MLXIP: variants seen among roughly 807,000 people sequenced by gnomAD.
MLXIP encodes MLX interacting protein, also known as MLX-interacting protein.
In MLXIP, 30 loss-of-function variants were observed where a neutral mutation model predicts 87.2. The observed-to-expected ratio is 0.34, with a 90% CI of 0.26 to 0.47. MLXIP has a LOEUF of 0.47. MLXIP is among the 20% of genes least tolerant of loss of function. The pLI, the probability that MLXIP is intolerant of heterozygous loss-of-function variation, is 1.00. For synonymous variants in MLXIP, 530 were observed against 514.0 expected, an observed-to-expected ratio of 1.03 and a Z score of -0.42; for missense variants, 1,002 against 1,240.1, an observed-to-expected ratio of 0.81 and a Z score of 2.88.
chr12:122,106,021 C>T (rs1952514632), intron 1 of MLXIP, among the ~76,000 whole-genome samples: 1 of 152,186 alleles, frequency 6.6e-6, no homozygotes, highest in Non-Finnish European at 1.5e-5. Context: ...AAGGATTTGC[C>T]TGTTGCCCAG....
intron 1 of MLXIP, among the ~76,000 whole-genome samples, chr12:122,105,984 C>T (rs1952513547): frequency 6.6e-6 from 1 of 152,208 alleles, no homozygotes; most frequent in African/African-American, 2.4e-5. Flanking sequence ...ACTGGCATTT[C>T]CATCGCTTCA....
At chr12:122,110,949 C>T (rs1213702425) in intron 1 of MLXIP, among the ~76,000 whole-genome samples, 4 of 150,794 alleles carry the variant, frequency 2.7e-5, no homozygotes, top group South Asian at 2.1e-4. Flanking sequence ...TGGTGGCGGG[C>T]GCCTGTAGTC....
At chr12:122,129,914 TCCTCC>T in intron 5 of MLXIP, 22 bp from the exon 6 acceptor site, 1 of 1,591,206 alleles carries the variant, frequency 6.3e-7, no homozygotes, top group Non-Finnish European at 8.6e-7. Context: ...CTTTGATGCT[TCCTCC>T]CCTGTGTTGG....
intron 1 of MLXIP, among the ~76,000 whole-genome samples, chr12:122,095,989 C>T (rs1479295464): frequency 1.3e-5 from 2 of 152,224 alleles, no homozygotes; most frequent in East Asian, 1.9e-4. Flanking sequence ...CTCAGCCTCC[C>T]GAGTAGCTGG....
In MLXIP at chr12:122,108,018, C is replaced by T. The variant is rs1290049102; in HGVS notation, c.414-19238C>T. On this transcript the variant is annotated intron_variant, in intron 1 of 16. Transcript: ENST00000319080. ...TGGAAGGTGCGCCATGTGTCCCCTG[C>T]GAAGGGCAGCCTGGCCTGTGATGCT... 3.3e-5 allele frequency among the ~76,000 whole-genome samples: 5 copies of T among 152,142 alleles called. No homozygotes were observed. In the South Asian group the frequency reaches 8.3e-4, roughly 25 times the overall value.
chr12:122,117,288 G>A (rs1952706888), intron 1 of MLXIP, among the ~76,000 whole-genome samples: 1 of 152,212 alleles, frequency 6.6e-6, no homozygotes, highest in South Asian at 2.1e-4. Context: ...TTCCTCCATA[G>A]GAGACTCTCT....
rs145443933 is a variant in MLXIP at position 122,086,363 on chromosome 12, G to A, written c.413+7097G>A. On this transcript the variant is annotated intron_variant, in intron 1 of 16. Transcript: ENST00000319080. ...CCCGGGCTTAAGATTGAGCTATGCC[G>A]TGGGTCCTCGGCACCAGCGAGGGGA... 9.0e-3 allele frequency among the ~76,000 whole-genome samples: 1,370 copies of A among 152,298 alleles called. 19 individuals are homozygous for A. The highest frequency in any genetic ancestry group is 0.019 in the African/African-American group (809 of 41,548).
chr12:122,119,458 C>T (rs1346979580), intron 1 of MLXIP, among the ~76,000 whole-genome samples: 5 of 152,026 alleles, frequency 3.3e-5, no homozygotes, highest in African/African-American at 1.2e-4. Context: ...ATGGCGCAAT[C>T]TCAGCTCACT....
intron 1 of MLXIP, among the ~76,000 whole-genome samples, chr12:122,096,288 G>A (rs896637723): frequency 6.6e-6 from 1 of 152,070 alleles, no homozygotes; most frequent in African/African-American, 2.4e-5. Flanking sequence ...TTGTATGGAT[G>A]TACTACTATT....
chr12:122,138,179 C>T lies in MLXIP; in HGVS notation c.2155-15C>T, dbSNP rs369168025. The T allele has an allele frequency of 4.0e-5, 63 of 1,585,172 alleles. 1 individual carries two copies. The South Asian group carries it at 4.5e-4, about 11-fold the overall frequency. On this transcript the variant is annotated splice_polypyrimidine_tract_variant and intron_variant, in intron 12 of 16. Coordinates refer to ENST00000319080, the MANE Select transcript of MLXIP (RefSeq NM_014938.6). ...GCAATGTGCCTGTCTTAGTGACCAG[C>T]GGGTTCTCCAGCAGAACCGGCAGAT... is the stretch of plus-strand genomic sequence containing the variant.
intron 1 of MLXIP, among the ~76,000 whole-genome samples, chr12:122,118,489 T>A (rs149233118): frequency 4.2e-4 from 64 of 152,324 alleles, no homozygotes; most frequent in African/African-American, 1.5e-3. Flanking sequence ...TATGTATCCA[T>A]CTTGGCTGTC....
intron 1 of MLXIP, among the ~76,000 whole-genome samples, chr12:122,098,242 A>G (rs185495751): frequency 2.0e-5 from 3 of 152,250 alleles, no homozygotes; most frequent in East Asian, 1.9e-4. Context: ...AATGTCATCT[A>G]TTCTTCCGGT....
chr12:122,116,246 T>G (rs1952689529), intron 1 of MLXIP, among the ~76,000 whole-genome samples: 2 of 151,982 alleles, frequency 1.3e-5, no homozygotes, highest in South Asian at 4.2e-4. Context: ...TCCATTTGTG[T>G]GACTTCCTGA....
rs552946788 is a variant in MLXIP, at chr12:122,084,295, C to A, written c.413+5029C>A. Among the ~76,000 whole-genome samples, 60 of 152,242 alleles carry A rather than the reference C, an allele frequency of 3.9e-4. No individual in the cohort carries two copies. The South Asian group carries it at 6.0e-3, about 15-fold the overall frequency. On this transcript the variant is annotated intron_variant, in intron 1 of 16. Transcript: ENST00000319080. Reference sequence around the variant, plus strand: ...CTCAAAGATTACCAATTACATTACCCAACAGGAAGCCCCAGTGCTCCCCGC... The same window carrying A: ...CTCAAAGATTACCAATTACATTACCAAACAGGAAGCCCCAGTGCTCCCCGC...
intron 1 of MLXIP, among the ~76,000 whole-genome samples, chr12:122,082,608 C>T (rs1256404228): frequency 6.6e-6 from 1 of 152,224 alleles, no homozygotes; most frequent in East Asian, 1.9e-4. Context: ...ATGAGGAGCC[C>T]GTGTCTTATC....
chr12:122,141,169 T>G, intron 16 of MLXIP, 86 bp downstream of exon 16: 1 of 1,479,176 alleles, frequency 6.8e-7, no homozygotes, highest in Non-Finnish European at 9.0e-7. Context: ...TTAGCCAGAC[T>G]CCACTGCAGG....
chr12:122,147,130 T>G lies in MLXIP; in HGVS notation c.*5318T>G, dbSNP rs1244213436. 1 of 152,140 alleles carries G rather than the reference T, an allele frequency of 6.6e-6. No homozygotes were observed. The highest frequency in any genetic ancestry group is 1.5e-5 in the Non-Finnish European group (1 of 68,024). 9.4% of individuals were successfully genotyped at this position (152,140 alleles called of 1,614,324 possible). On this transcript the variant is annotated 3_prime_UTR_variant, in exon 17 of 17. Coordinates refer to ENST00000319080, the MANE Select transcript of MLXIP (RefSeq NM_014938.6). ...TTTGGTGATGGTGGCAGGGCTCCTT[T>G]GAAGAGATGGTTCCACCTCGTGGTC...
chr12:122,090,285 C>G (rs1262287621), intron 1 of MLXIP, among the ~76,000 whole-genome samples: 1 of 152,152 alleles, frequency 6.6e-6, no homozygotes, highest in Admixed American at 6.5e-5. Context: ...CATTTGAGGT[C>G]AGGAGTTCGA....
intron 1 of MLXIP, among the ~76,000 whole-genome samples, chr12:122,098,967 G>A (rs1372226060): frequency 6.6e-6 from 1 of 152,242 alleles, no homozygotes; most frequent in Non-Finnish European, 1.5e-5. Context: ...GCTGGGCGTG[G>A]TGGCTCACGC....
Sources: gnomAD v4.1 joint callset for allele counts (sites outside exome capture counted in the v4.1 genomes callset) on GRCh38, gnomAD v4.1.1 for gene constraint, MANE v1.5 for transcripts, NCBI Gene and HGNC (gene_info 2026-07-23, HGNC 2026-07-21) for gene names.